MGAT4C: variants seen among roughly 807,000 people sequenced by gnomAD.
The protein encoded by MGAT4C is MGAT4 family member C.
Under a neutral mutation model 40.1 loss-of-function variants are expected in MGAT4C, and 19 were observed. The ratio of observed to expected loss-of-function variants is 0.47; its 90% CI spans 0.33 to 0.70. The LOEUF (loss-of-function observed/expected upper bound fraction) is 0.70. MGAT4C is among the 30% of genes least tolerant of loss of function. The pLI, the probability that MGAT4C is intolerant of heterozygous loss-of-function variation, is 0.02. For missense variants in MGAT4C, 491 were observed against 563.2 expected (o/e 0.87, Z 1.30); for synonymous variants, 181 against 187.1 (o/e 0.97, Z 0.27).
intron 2 of MGAT4C, among the ~76,000 whole-genome samples, chr12:86,603,795 A>T (rs1195205716): frequency 4.2e-5 from 1 of 24,008 alleles, no homozygotes; most frequent in Non-Finnish European, 1.5e-4. Context: ...AATATATAGT[A>T]TATATATTAT....
intron 3 of MGAT4C, among the ~76,000 whole-genome samples, chr12:85,987,865 A>G (rs539231769): frequency 3.9e-5 from 6 of 152,342 alleles, no homozygotes; most frequent in Admixed American, 3.9e-4. Flanking sequence ...CATGTGTTTG[A>G]TTTACAAGAT....
intron 1 of MGAT4C, among the ~76,000 whole-genome samples, chr12:86,069,590 G>A (rs1452194597): frequency 1.3e-5 from 2 of 152,132 alleles, no homozygotes; most frequent in Non-Finnish European, 2.9e-5. Context: ...CTTATTCTCA[G>A]TTGATGTCTA....
chr12:86,052,807 A>T (rs1893017921), intron 1 of MGAT4C, among the ~76,000 whole-genome samples: 1 of 151,950 alleles, frequency 6.6e-6, no homozygotes, highest in Non-Finnish European at 1.5e-5. Flanking sequence ...ATGGTCAGGG[A>T]TATATATAAT....
chr12:86,780,885 C>T (rs778119904), intron 1 of MGAT4C, among the ~76,000 whole-genome samples: 2 of 152,002 alleles, frequency 1.3e-5, no homozygotes. Context: ...GTTTAGTTTC[C>T]ACTGATAAGT....
chr12:86,544,888 G>GA (rs1209388583), intron 2 of MGAT4C, among the ~76,000 whole-genome samples: 2 of 151,870 alleles, frequency 1.3e-5, no homozygotes, highest in Non-Finnish European at 2.9e-5. Flanking sequence ...GATATGAAAT[G>GA]AAAAAAAGAT....
At chr12:86,559,090 A>G (rs951326875) in intron 2 of MGAT4C, among the ~76,000 whole-genome samples, 2 of 151,976 alleles carry the variant, frequency 1.3e-5, no homozygotes, top group African/African-American at 4.8e-5. Context: ...TGTAGAAAAA[A>G]AAGAAAAAGA....
intron 1 of MGAT4C, among the ~76,000 whole-genome samples, chr12:86,816,293 CT>C (rs1474790898): frequency 2.0e-5 from 3 of 151,718 alleles, no homozygotes; most frequent in African/African-American, 7.2e-5. Context: ...TCAAAATTGA[CT>C]AGATAAACCT....
chr12:86,668,575 A>C (rs553213451), intron 2 of MGAT4C, among the ~76,000 whole-genome samples: 4 of 152,104 alleles, frequency 2.6e-5, no homozygotes, highest in Non-Finnish European at 5.9e-5. Flanking sequence ...GTGCACATAC[A>C]CTGTCAGCCA....
chr12:86,278,328 G>A (rs1217351287), intron 4 of MGAT4C, among the ~76,000 whole-genome samples: 1 of 151,766 alleles, frequency 6.6e-6, no homozygotes, highest in Non-Finnish European at 1.5e-5. Context: ...ACAGGTGTCT[G>A]CCACCACACC....
At chr12:86,701,149 A>T (rs1305916209) in intron 2 of MGAT4C, among the ~76,000 whole-genome samples, 1 of 152,158 alleles carries the variant, frequency 6.6e-6, no homozygotes, top group African/African-American at 2.4e-5. Context: ...AAATTGATAC[A>T]TTCAACTAAT....
At chr12:86,075,188 T>C (rs1869447854) in intron 1 of MGAT4C, among the ~76,000 whole-genome samples, 1 of 152,110 alleles carries the variant, frequency 6.6e-6, no homozygotes, top group South Asian at 2.1e-4. Context: ...CAGTATTGGG[T>C]AAATACAGCC....
intron 3 of MGAT4C, among the ~76,000 whole-genome samples, chr12:86,431,463 C>T (rs919162703): frequency 3.3e-5 from 5 of 152,134 alleles, no homozygotes; most frequent in African/African-American, 4.8e-5. Context: ...GTTTTCATTG[C>T]TTGACCCCAA....
intron 1 of MGAT4C, among the ~76,000 whole-genome samples, chr12:86,836,589 G>A (rs1022177148): frequency 6.6e-6 from 1 of 152,014 alleles, no homozygotes; most frequent in Non-Finnish European, 1.5e-5. Flanking sequence ...TCAATGGCTG[G>A]GTAGGTGAAT....
At chr12:86,621,083 C>T (rs933289729) in intron 2 of MGAT4C, among the ~76,000 whole-genome samples, 3 of 151,572 alleles carry the variant, frequency 2.0e-5, no homozygotes, top group African/African-American at 7.3e-5. Context: ...TACACTATAC[C>T]CTCTAAATCT....
At chr12:86,357,627 A>T (rs1359463084) in intron 3 of MGAT4C, among the ~76,000 whole-genome samples, 2 of 152,174 alleles carry the variant, frequency 1.3e-5, no homozygotes, top group African/African-American at 4.8e-5. Flanking sequence ...TGTAGAGAAG[A>T]ACTTAAATGA....
chr12:86,624,372 T>G (rs1962733939), intron 2 of MGAT4C, among the ~76,000 whole-genome samples: 1 of 152,108 alleles, frequency 6.6e-6, no homozygotes, highest in Non-Finnish European at 1.5e-5. Context: ...AAGCAGGAAG[T>G]AATGGTTAAG....
chr12:86,088,619 T>G (rs555578072), intron 1 of MGAT4C, among the ~76,000 whole-genome samples: 1 of 151,968 alleles, frequency 6.6e-6, no homozygotes, highest in Admixed American at 6.6e-5. Flanking sequence ...CCAACAAGCA[T>G]ATGGGAAAAT....
chr12:86,437,118 G>T (rs1957150901), intron 2 of MGAT4C, among the ~76,000 whole-genome samples: 2 of 151,664 alleles, frequency 1.3e-5, no homozygotes, highest in Admixed American at 6.6e-5. Flanking sequence ...TAAGATATCA[G>T]AATTTTTATG....
intron 1 of MGAT4C, among the ~76,000 whole-genome samples, chr12:86,808,588 G>T (rs1038950572): frequency 1.3e-5 from 2 of 151,988 alleles, no homozygotes; most frequent in Admixed American, 1.3e-4. Flanking sequence ...ATTCCTTCAT[G>T]TTAAAAACTC....
Sources: gnomAD v4.1 joint callset for allele counts (sites outside exome capture counted in the v4.1 genomes callset) on GRCh38, gnomAD v4.1.1 for gene constraint, MANE v1.5 for transcripts, NCBI Gene and HGNC (gene_info 2026-07-23, HGNC 2026-07-21) for gene names.